Variants in ZNG1B observed in about 807,000 individuals in gnomAD.
The protein encoded by ZNG1B is Zn regulated GTPase metalloprotein activator 1B, also known as zinc-regulated GTPase metalloprotein activator 1B.
the ZNG1B span, among the ~76,000 whole-genome samples, chr2:113,459,385 A>G: frequency 6.6e-6 from 1 of 151,660 alleles, no homozygotes; most frequent in Non-Finnish European, 1.5e-5. Context: ...AGATACCCCT[A>G]ATGATCATCT....
the ZNG1B span, among the ~76,000 whole-genome samples, chr2:113,476,777 G>T: frequency 2.0e-5 from 3 of 152,128 alleles, no homozygotes; most frequent in Admixed American, 6.5e-5. Flanking sequence ...GTACCCGGCC[G>T]TGTGAGGTGT....
the ZNG1B span, chr2:113,447,967 T>G: frequency 2.6e-6 from 1 of 390,354 alleles, no homozygotes; most frequent in African/African-American, 2.1e-5. Flanking sequence ...AAACTCCTAT[T>G]CATGTTGATA....
the ZNG1B span, among the ~76,000 whole-genome samples, chr2:113,483,247 C>A: frequency 2.0e-5 from 3 of 150,996 alleles, no homozygotes; most frequent in South Asian, 4.2e-4. Context: ...GCAGCGCTCA[C>A]TTTCCATGAG....
chr2:113,477,829 T>G, the ZNG1B span, among the ~76,000 whole-genome samples: 1 of 152,218 alleles, frequency 6.6e-6, no homozygotes, highest in Non-Finnish European at 1.5e-5. Context: ...CATTTCCCTG[T>G]CTTCATAGCC....
the ZNG1B span, chr2:113,471,214 C>T: frequency 5.6e-6 from 8 of 1,422,126 alleles, no homozygotes; most frequent in African/African-American, 8.6e-5. Context: ...CATACAAGAC[C>T]ATACTTAATG....
chr2:113,450,221 C>T, the ZNG1B span, among the ~76,000 whole-genome samples: 1 of 146,634 alleles, frequency 6.8e-6, no homozygotes, highest in Non-Finnish European at 1.5e-5. Flanking sequence ...TGTTTATTAC[C>T]ATGAATACTT....
the ZNG1B span, among the ~76,000 whole-genome samples, chr2:113,492,963 T>C: frequency 1.0e-4 from 10 of 95,822 alleles, no homozygotes; most frequent in Non-Finnish European, 1.9e-4. Flanking sequence ...TTTGGGGTTA[T>C]ATTGGCAAAG....
At chr2:113,459,380 C>A in the ZNG1B span, among the ~76,000 whole-genome samples, 2 of 151,434 alleles carry the variant, frequency 1.3e-5, no homozygotes, top group African/African-American at 2.4e-5. Context: ...TATTCAGATA[C>A]CCCTAATGAT....
At chr2:113,461,263 G>A in the ZNG1B span, among the ~76,000 whole-genome samples, 1,027 of 150,692 alleles carry the variant, frequency 6.8e-3, 10 homozygotes, top group Middle Eastern at 0.01. Flanking sequence ...ATTTTTTTTA[G>A]TAGAGATGGG....
the ZNG1B span, among the ~76,000 whole-genome samples, chr2:113,473,869 T>C: frequency 7.1e-6 from 1 of 140,068 alleles, no homozygotes; most frequent in Non-Finnish European, 1.5e-5. Flanking sequence ...CTTTTTGATG[T>C]GCTGCTGGAT....
At chr2:113,445,551 G>A in the ZNG1B span, 1 of 153,170 alleles carries the variant, frequency 6.5e-6, no homozygotes, top group Non-Finnish European at 1.4e-5. Flanking sequence ...TGTAAGTGCT[G>A]TGTAAGTAGT....
At chr2:113,453,129 A>G in the ZNG1B span, 1 of 1,579,020 alleles carries the variant, frequency 6.3e-7, no homozygotes, top group African/African-American at 1.4e-5. Flanking sequence ...TGAATATTAT[A>G]TATTTTCAGG....
At chr2:113,437,722 G>A in the ZNG1B span, 2 of 1,524,488 alleles carry the variant, frequency 1.3e-6, no homozygotes, top group Non-Finnish European at 1.8e-6. Flanking sequence ...CCAGAGCCCA[G>A]GTAATCCGGG....
the ZNG1B span, chr2:113,465,789 G>A: frequency 3.5e-6 from 3 of 851,262 alleles, no homozygotes; most frequent in East Asian, 4.3e-4. Context: ...AGGCTCAGCA[G>A]CTGATAGACT....
At chr2:113,438,469 T>C in the ZNG1B span, among the ~76,000 whole-genome samples, 1 of 152,106 alleles carries the variant, frequency 6.6e-6, no homozygotes, top group Non-Finnish European at 1.5e-5. Flanking sequence ...GTCAGTAGAT[T>C]CCCCTTCCCC....
chr2:113,462,336 C>T, the ZNG1B span: 1 of 1,417,658 alleles, frequency 7.1e-7, no homozygotes, highest in South Asian at 1.2e-5. Flanking sequence ...TAGCATTCCT[C>T]TTTTGATGTA....
At chr2:113,471,343 C>T in the ZNG1B span, among the ~76,000 whole-genome samples, 2 of 152,126 alleles carry the variant, frequency 1.3e-5, no homozygotes, top group Non-Finnish European at 2.9e-5. Context: ...ACTTCTACAC[C>T]AAACACTATA....
chr2:113,438,542 A>T, the ZNG1B span, among the ~76,000 whole-genome samples: 66 of 151,876 alleles, frequency 4.3e-4, no homozygotes, highest in African/African-American at 1.5e-3. Context: ...TTTTTTTTTG[A>T]GGTCTGTTTG....
the ZNG1B span, among the ~76,000 whole-genome samples, chr2:113,472,288 A>C: frequency 3.9e-5 from 6 of 152,086 alleles, no homozygotes; most frequent in Non-Finnish European, 4.4e-5. Context: ...TCTTCTTTTG[A>C]GAAGTGTCTG....
Sources: allele counts gnomAD v4.1 joint callset (sites outside exome capture counted in the v4.1 genomes callset), GRCh38; gene constraint gnomAD v4.1.1; transcripts MANE v1.5; gene names NCBI Gene and HGNC (gene_info 2026-07-23, HGNC 2026-07-21).